PHF14: variants seen among roughly 807,000 people sequenced by gnomAD.
PHF14 encodes PHD finger protein 14.
In PHF14, 55 loss-of-function variants were observed where a neutral mutation model predicts 117.9. The observed-to-expected ratio is 0.47, with a 90% confidence interval of 0.38 to 0.58. The LOEUF (loss-of-function observed/expected upper bound fraction) is 0.58. Ranked by LOEUF, PHF14 falls within the 20% of genes least tolerant of loss-of-function variation. The pLI is 0.00. For synonymous variants in PHF14, 409 were observed against 368.6 expected, an observed-to-expected ratio of 1.11 and a Z score of -1.26; for missense variants, 978 against 1,122.2, an observed-to-expected ratio of 0.87 and a Z score of 1.84.
chr7:11,087,357 A>AGCTGGC, intron 16 of PHF14, among the ~76,000 whole-genome samples: 1 of 152,084 alleles, frequency 6.6e-6, no homozygotes, highest in Non-Finnish European at 1.5e-5. Context: ...ATGCCCAGCT[A>AGCTGGC]ATTTTTATAT....
intron 16 of PHF14, chr7:11,106,049 A>T: frequency 1.0e-6 from 1 of 983,618 alleles, no homozygotes. Flanking sequence ...TGTTTCAGGT[A>T]TGGAAATGTC....
chr7:11,019,190 G>A (rs559249510), intron 5 of PHF14, among the ~76,000 whole-genome samples: 3 of 152,276 alleles, frequency 2.0e-5, no homozygotes, highest in African/African-American at 4.8e-5. Context: ...CTGGCCTGTA[G>A]TTTTCTTTTT....
chr7:11,088,756 A>G (rs1786524126), intron 16 of PHF14, among the ~76,000 whole-genome samples: 1 of 152,186 alleles, frequency 6.6e-6, no homozygotes, highest in South Asian at 2.1e-4. Context: ...TAACTCCCCA[A>G]ATTAAAACAA....
intron 17 of PHF14, among the ~76,000 whole-genome samples, chr7:11,143,066 G>A (rs182999127): frequency 6.6e-6 from 1 of 152,158 alleles, no homozygotes; most frequent in African/African-American, 2.4e-5. Flanking sequence ...TTTTAGTTTT[G>A]TCAGAAATAT....
At chr7:11,050,509 C>T (rs1471007284) in intron 13 of PHF14, among the ~76,000 whole-genome samples, 1 of 151,988 alleles carries the variant, frequency 6.6e-6, no homozygotes, top group African/African-American at 2.4e-5. Flanking sequence ...TAGATTTCTG[C>T]TGTCTAAATG....
intron 7 of PHF14, 90 bp from the exon 8 acceptor site, chr7:11,035,550 T>C: frequency 1.3e-6 from 1 of 749,670 alleles, no homozygotes; most frequent in South Asian, 4.4e-5. Context: ...GTAGATTCTT[T>C]GAAAAGGAAG....
intron 16 of PHF14, among the ~76,000 whole-genome samples, chr7:11,069,902 G>A (rs552523277): frequency 1.7e-4 from 26 of 149,364 alleles, no homozygotes; most frequent in Admixed American, 8.0e-4. Flanking sequence ...AGATAATACT[G>A]GCCTTCTGAA....
At chr7:11,070,918 C>G (rs1785595292) in intron 16 of PHF14, among the ~76,000 whole-genome samples, 1 of 152,120 alleles carries the variant, frequency 6.6e-6, no homozygotes, top group Non-Finnish European at 1.5e-5. Flanking sequence ...AGGGACATTT[C>G]TTTACATAGT....
rs150763937 is a variant in PHF14, at chr7:11,051,768, G to A, written c.2469G>A (p.Pro823=). 1.6e-5 allele frequency: 25 copies of A among 1,612,820 alleles called. No individual in the cohort carries two copies. The highest frequency in any genetic ancestry group is 1.3e-4 in the East Asian group (6 of 44,866). The change falls in exon 14 of 18, where the codon CCG becomes CCA. Residue 823 remains proline (P), a synonymous_variant. Transcript: ENST00000634607. ...QDVPPEPKKI[P]IRNTRTRGRK... ...TGCCACCAGAACCCAAGAAGATTCC[G>A]ATAAGAAACACGGTAGTTTATTTTT...
At chr7:11,045,788 T>C (rs981268411) in intron 13 of PHF14, among the ~76,000 whole-genome samples, 2 of 152,186 alleles carry the variant, frequency 1.3e-5, no homozygotes, top group Admixed American at 6.5e-5. Flanking sequence ...TTCAGTGATA[T>C]AGGAGTCTGT....
intron 17 of PHF14, among the ~76,000 whole-genome samples, chr7:11,167,681 G>C (rs1789239406): frequency 6.6e-6 from 1 of 152,198 alleles, no homozygotes; most frequent in African/African-American, 2.4e-5. Context: ...CTCTCCTGAA[G>C]AAGACAGGGG....
chr7:11,067,957 C>T (rs1296958245), intron 16 of PHF14, among the ~76,000 whole-genome samples: 5 of 152,118 alleles, frequency 3.3e-5, no homozygotes, highest in Non-Finnish European at 5.9e-5. Context: ...CCCATTAGGA[C>T]CCCCCTAAAG....
At chr7:11,025,326 A>C (rs532849300) in intron 6 of PHF14, among the ~76,000 whole-genome samples, 1 of 152,348 alleles carries the variant, frequency 6.6e-6, no homozygotes, top group East Asian at 1.9e-4. Flanking sequence ...CAAAAGACTT[A>C]GGATATTACA....
rs866307425 is a variant in PHF14 at position 11,120,107 on chromosome 7, A to T, written c.2772+8640A>T. Among the ~76,000 whole-genome samples the T allele has an allele frequency of 3.2e-4, 49 of 152,038 alleles. No individual in the cohort carries two copies. In the Middle Eastern group the frequency reaches 0.014, roughly 42 times the overall value. On this transcript the variant is annotated intron_variant, in intron 17 of 17. Coordinates refer to ENST00000634607, the MANE Select transcript of PHF14 (RefSeq NM_001007157.2). ...GAGTTCTTATAATTGGATGCGTCGT[A>T]TAGTAGGAAGATAGAGTAATTTAAA...
Position 11,040,768 on chromosome 7 carries a change from C to A in PHF14, c.2173C>A (p.Leu725Ile). 2.0e-6 allele frequency: 3 copies of A among 1,474,298 alleles called. No homozygotes were observed. Among genetic ancestry groups the A allele is most frequent in the Non-Finnish European group, 2.8e-6 (3 of 1,085,298 alleles). 91.3% of individuals were successfully genotyped at this position (1,474,298 alleles called of 1,614,324 possible). ...AAAGACATCTACTCTTCCTGCAGTA[C>A]TTTATAGGCAAGTAATGAAATTAAT... is the stretch of plus-strand genomic sequence containing the variant. Reference protein sequence around the residue: ...TQKTSTLPAVLYSCGICKKNH... With the variant: ...TQKTSTLPAVIYSCGICKKNH... Residue 725 changes from leucine (L) to isoleucine (I), a missense_variant, in exon 12 of 18, where the codon CTT (leucine) becomes ATT (isoleucine). Around this residue, in one of 7 missense-constraint regions of PHF14, gnomAD observed 237 missense variants for 276.4 expected, o/e 0.86. Transcript: ENST00000634607.
intron 16 of PHF14, chr7:11,103,722 AT>A: frequency 1.0e-6 from 1 of 984,724 alleles, no homozygotes; most frequent in Non-Finnish European, 1.2e-6. Flanking sequence ...GTTATAGATA[AT>A]CAAAAGCAAT....
In PHF14 at chr7:11,153,939, C is replaced by CTGTGTGTGTGTG. The variant is rs975709011; in HGVS notation, c.2773-15469_2773-15468insTGTGTGTGTGTG. Among the ~76,000 whole-genome samples, 155 of 138,528 alleles carry CTGTGTGTGTGTG rather than the reference C, an allele frequency of 1.1e-3. 3 individuals carry two copies. The highest frequency in any genetic ancestry group is 4.2e-3 in the African/African-American group (153 of 36,452). The allele number at this position is 138,528 out of a possible 152,430, so 90.9% of individuals were successfully genotyped here. On this transcript the variant is annotated intron_variant, in intron 17 of 17. Coordinates refer to ENST00000634607, the MANE Select transcript of PHF14 (RefSeq NM_001007157.2). Reference sequence around the variant, plus strand: ...GCAAGCCTATGAAAGTGGTCCCTGTCTGTGTGTGCGTGTGTGTGTGTGTGT... The same window carrying CTGTGTGTGTGTG: ...GCAAGCCTATGAAAGTGGTCCCTGTCTGTGTGTGTGTGTGTGTGTGCGTGTGTGTGTGTGTGT...
chr7:10,987,812 G>C (rs1185796658), intron 3 of PHF14, among the ~76,000 whole-genome samples: 1 of 151,942 alleles, frequency 6.6e-6, no homozygotes, highest in Non-Finnish European at 1.5e-5. Context: ...ATCAGGTTTT[G>C]TATTGATCTA....
chr7:11,097,181 G>A (rs549150553), intron 16 of PHF14, among the ~76,000 whole-genome samples: 69 of 152,002 alleles, frequency 4.5e-4, no homozygotes, highest in Middle Eastern at 3.4e-3. Flanking sequence ...GTTTCACCAT[G>A]TTGGTCCGGC....
Sources: gnomAD v4.1 joint callset for allele counts (sites outside exome capture counted in the v4.1 genomes callset) on GRCh38, gnomAD v4.1.1 for gene constraint, gnomAD v4.1.1 regional missense constraint, MANE v1.5 for transcripts, NCBI Gene and HGNC (gene_info 2026-07-23, HGNC 2026-07-21) for gene names.